Variants in CERS1 observed in about 807,000 individuals in gnomAD.
CERS1 encodes ceramide synthase 1, also known as Embryonic growth/differentiation factor 1.
Under a neutral mutation model 35.7 loss-of-function variants are expected in CERS1, and 16 were observed. That is an observed-to-expected ratio of 0.45 (90% CI 0.30 to 0.68). CERS1 has a LOEUF of 0.68. Ranked by LOEUF, CERS1 falls within the 30% of genes least tolerant of loss-of-function variation. The pLI is 0.08. For missense variants in CERS1, 454 were observed against 453.9 expected, an observed-to-expected ratio of 1.00 and a Z score of 0.00; for synonymous variants, 243 against 201.6, an observed-to-expected ratio of 1.21 and a Z score of -1.74.
intron 2 of CERS1, among the ~76,000 whole-genome samples, chr19:18,886,651 T>C (rs1390632466): frequency 3.3e-5 from 5 of 152,192 alleles, no homozygotes; most frequent in African/African-American, 1.2e-4. Context: ...TTGCTCCCTG[T>C]TCTCTGGCCA....
At chr19:18,876,671 C>T (rs952502363) in intron 6 of CERS1, among the ~76,000 whole-genome samples, 1 of 152,128 alleles carries the variant, frequency 6.6e-6, no homozygotes, top group African/African-American at 2.4e-5. Context: ...AGACGTGAGC[C>T]ACCACGCCTG....
intron 1 of CERS1, among the ~76,000 whole-genome samples, chr19:18,894,742 A>G (rs1400263759): frequency 6.6e-6 from 1 of 152,054 alleles, no homozygotes; most frequent in African/African-American, 2.4e-5. Context: ...TCTCTCCCTC[A>G]TGTGGGTGAT....
rs893144604 is a variant in CERS1, at chr19:18,878,829, C to T, written c.1010+101G>A. On this transcript the variant is annotated intron_variant, in intron 6 of 7. Transcript: ENST00000623882. The surrounding 1 kb of genome is among the most constrained non-coding windows in gnomAD (Gnocchi z 4.6). Reference sequence around the variant, plus strand: ...TAGGCTTGGGGGGCAGCATCCGCGTCGGCCTCATCTGCTGCTGGGTCTTGG... The same window carrying T: ...TAGGCTTGGGGGGCAGCATCCGCGTTGGCCTCATCTGCTGCTGGGTCTTGG... 53 of 1,520,402 alleles carry T rather than the reference C, an allele frequency of 3.5e-5. No individual in the cohort carries two copies. The highest frequency in any genetic ancestry group is 3.8e-4 in the Middle Eastern group (2 of 5,248). 94.2% of individuals were successfully genotyped at this position (1,520,402 alleles called of 1,614,324 possible). A position where few individuals can be genotyped will look rare whatever the true frequency, so the allele number is the denominator to read the frequency against.
At position 18,893,574 on chromosome 19, in the gene CERS1, G is replaced by T. The variant is rs753399642; in HGVS notation, c.251C>A (p.Pro84His). ...RSAATARLFR[P>H]LAKRCCLQPR... ...CTGGAGGCAGCACCGCTTCGCCAGG[G>T]GCTATGGGGGAGAAGACAGGCGGGC... The change falls in exon 2 of 8, where the codon CCC becomes CAC. Residue 84 changes from proline to histidine, a missense_variant and splice_region_variant. Physicochemically the swap from Pro to His is moderately conservative, Grantham distance 77. Transcript: ENST00000623882. 2 of 1,607,152 alleles carry T rather than the reference G, an allele frequency of 1.2e-6. No individual in the cohort carries two copies. The highest frequency in any genetic ancestry group is 1.7e-5 in the Admixed American group (1 of 59,140).
Position 18,870,267 on chromosome 19 carries a change from A to AG in CERS1, c.*309dup, listed in dbSNP as rs1428829571. ...GGGCAGCAGCAGGGCCAGGAGGAGG[A>AG]GGAGGTGGTGGCCGCAGGGACCTTG... On this transcript the variant is annotated 3_prime_UTR_variant, in exon 7 of 8. Transcript: ENST00000623882. The surrounding 1 kb of genome is among the most constrained non-coding windows in gnomAD (Gnocchi z 5.1). 20 of 1,548,828 alleles carry AG rather than the reference A, an allele frequency of 1.3e-5. No homozygotes were observed. Among genetic ancestry groups the AG allele is most frequent in the African/African-American group, 4.1e-5 (3 of 72,338 alleles).
chr19:18,878,027 G>A lies in CERS1; in HGVS notation c.1010+903C>T, dbSNP rs1010284824. 7.1e-6 allele frequency: 7 copies of A among 985,464 alleles called. No individual in the cohort carries two copies. Among genetic ancestry groups the A allele is most frequent in the Non-Finnish European group, 7.2e-6 (6 of 829,970 alleles). 61.0% of individuals were successfully genotyped at this position (985,464 alleles called of 1,614,324 possible). The stretch of plus-strand genomic sequence containing the variant: ...CGCTCCTCTGCCTGGCTACAGCCCC[G>A]GATGTGTTAAATGTCTGCATCTCGC... On this transcript the variant is annotated intron_variant, in intron 6 of 7. Coordinates refer to ENST00000623882, the MANE Select transcript of CERS1 (RefSeq NM_021267.5). The surrounding 1 kb of genome is among the most constrained non-coding windows in gnomAD (Gnocchi z 4.6).
intron 6 of CERS1, among the ~76,000 whole-genome samples, chr19:18,871,719 C>G (rs747380409): frequency 3.9e-5 from 6 of 152,230 alleles, no homozygotes; most frequent in Non-Finnish European, 8.8e-5. Flanking sequence ...TCACAGCCAA[C>G]TGGCTGTCCC....
chr19:18,878,668 C>A lies in CERS1; in HGVS notation c.1010+262G>T. On this transcript the variant is annotated intron_variant, in intron 6 of 7. Coordinates refer to ENST00000623882, the MANE Select transcript of CERS1 (RefSeq NM_021267.5). This position sits in a 1 kb window ranked among gnomAD's most constrained non-coding sequence, Gnocchi z 4.6. The stretch of plus-strand genomic sequence containing the variant: ...CACACCAGCCACTAGGCCTGGCCCT[C>A]AGTGTCCCTACCGCTGAGACCCTGC... 7.7e-7 allele frequency: 1 copy of A among 1,299,812 alleles called. No homozygotes were observed. The highest frequency in any genetic ancestry group is 9.8e-7 in the Non-Finnish European group (1 of 1,016,274). The allele number at this position is 1,299,812 out of a possible 1,614,324, so 80.5% of individuals were successfully genotyped here. A position where few individuals can be genotyped will look rare whatever the true frequency, so the allele number is the denominator to read the frequency against.
rs977679328 is a variant in CERS1 at position 18,879,188 on chromosome 19, G to T, written c.900+53C>A. Reference sequence around the variant, plus strand: ...CGGGACTGCCTGAGGAGGGGACAGGGATTGGGACGAGGACGGGACCGCCAC... The same window carrying T: ...CGGGACTGCCTGAGGAGGGGACAGGTATTGGGACGAGGACGGGACCGCCAC... On this transcript the variant is annotated intron_variant, in intron 5 of 7. Coordinates refer to ENST00000623882, the MANE Select transcript of CERS1 (RefSeq NM_021267.5). 2.5e-6 allele frequency: 4 copies of T among 1,609,654 alleles called. No homozygotes were observed. In the Admixed American group the frequency reaches 5.0e-5, roughly 20 times the overall value.
At chr19:18,873,432 C>G (rs566057841) in intron 6 of CERS1, among the ~76,000 whole-genome samples, 38 of 152,146 alleles carry the variant, frequency 2.5e-4, no homozygotes, top group Non-Finnish European at 5.3e-4. Context: ...CGCAGTGGCT[C>G]ACGCCTGTAA....
chr19:18,885,511 G>A (rs1451443302), intron 2 of CERS1, among the ~76,000 whole-genome samples: 1 of 22,122 alleles, frequency 4.5e-5, no homozygotes, highest in Non-Finnish European at 1.2e-4. Context: ...GCCCCTTCTC[G>A]TTTTTTTTTT....
At chr19:18,883,763 TG>T (rs1314831234) in intron 3 of CERS1, among the ~76,000 whole-genome samples, 1 of 151,740 alleles carries the variant, frequency 6.6e-6, no homozygotes, top group Admixed American at 6.6e-5. Context: ...CAGGAACTCC[TG>T]GGTGTGTGAC....
chr19:18,884,042 G>C (rs773933814), intron 3 of CERS1, 45 bp downstream of exon 3: 5 of 1,585,262 alleles, frequency 3.2e-6, no homozygotes, highest in Non-Finnish European at 4.3e-6. Context: ...TCCGCACTCT[G>C]TGTGGGCTGT....
At chr19:18,886,005 C>G (rs904654094) in intron 2 of CERS1, among the ~76,000 whole-genome samples, 2 of 152,238 alleles carry the variant, frequency 1.3e-5, no homozygotes, top group African/African-American at 4.8e-5. Context: ...TCCTGGTGCA[C>G]CTGACCACCA....
At position 18,879,296 on chromosome 19, in the gene CERS1, A is replaced by T. The variant is rs775383045; in HGVS notation, c.845T>A (p.Phe282Tyr). The T allele has an allele frequency of 1.4e-5, 22 of 1,613,082 alleles. No homozygotes were observed. The highest frequency in any genetic ancestry group is 4.4e-5 in the South Asian group (4 of 90,864). The part of the protein sequence containing the change: ...LRTVPDIPFY[F>Y]FFNALLLLLT... ...CAGCAGCAGGAGCGCATTGAAGAAG[A>T]AGTAGAAGGGGATGTCAGGCACCGT... is the stretch of plus-strand genomic sequence containing the variant. The change falls in exon 5 of 8, where the codon TTC (phenylalanine) becomes TAC (tyrosine). Residue 282 changes from phenylalanine to tyrosine, a missense_variant. Phe to Tyr is a conservative substitution (Grantham distance 22, BLOSUM62 3). Transcript: ENST00000623882.
upstream of CERS1, among the ~76,000 whole-genome samples, chr19:18,896,320 C>T (rs1601198228): frequency 6.0e-5 from 9 of 150,762 alleles, no homozygotes; most frequent in South Asian, 1.9e-3. This position sits in a 1 kb window ranked among gnomAD's most constrained non-coding sequence, Gnocchi z 5.9. Context: ...AACCCAGGCG[C>T]GGGGGCCGGA....
chr19:18,868,653 T>C lies in CERS1; in HGVS notation c.*1332A>G. The C allele has an allele frequency of 6.3e-7, 1 of 1,575,082 alleles. No homozygotes were observed. The highest frequency in any genetic ancestry group is 1.2e-5 in the South Asian group (1 of 85,976). Reference sequence around the variant, plus strand: ...TCCTCATACTGCCGCAGCACCACGTTGTCGCTGTTGTCAAAGAAGAGCACG... The same window carrying C: ...TCCTCATACTGCCGCAGCACCACGTCGTCGCTGTTGTCAAAGAAGAGCACG... On this transcript the variant is annotated 3_prime_UTR_variant, in exon 8 of 8. Transcript: ENST00000623882.
Position 18,879,394 on chromosome 19 carries a change from G to A in CERS1, c.753-6C>T. On this transcript the variant is annotated splice_region_variant and splice_polypyrimidine_tract_variant and intron_variant, in intron 4 of 7. Transcript: ENST00000623882. Reference sequence around the variant, plus strand: ...AGTAGAGGCGGAACCAGAACCTGCGGTGGGAGGAGTCAGGAGGCCGTGGGT... The same window carrying A: ...AGTAGAGGCGGAACCAGAACCTGCGATGGGAGGAGTCAGGAGGCCGTGGGT... 3 of 1,557,644 alleles carry A rather than the reference G, an allele frequency of 1.9e-6. No homozygotes were observed. The highest frequency in any genetic ancestry group is 2.6e-6 in the Non-Finnish European group (3 of 1,150,870).
rs999768928 is a variant in CERS1, at chr19:18,895,079, C to T, written c.249+745G>A. On this transcript the variant is annotated intron_variant, in intron 1 of 7. Transcript: ENST00000623882. The surrounding 1 kb of genome is among the most constrained non-coding windows in gnomAD (Gnocchi z 6.4). The stretch of plus-strand genomic sequence containing the variant: ...CGCAGAAACTGGGGAATTCTGCTGT[C>T]GCCTCTTGGAGGCAGCACAGTCCAA... Among the ~76,000 whole-genome samples the T allele has an allele frequency of 1.3e-5, 2 of 152,260 alleles. No homozygotes were observed. Among genetic ancestry groups the T allele is most frequent in the African/African-American group, 2.4e-5 (1 of 41,466 alleles).
Sources: allele counts gnomAD v4.1 joint callset (sites outside exome capture counted in the v4.1 genomes callset), GRCh38; gene constraint gnomAD v4.1.1; non-coding constraint Gnocchi (gnomAD v3.1); transcripts MANE v1.5; gene names NCBI Gene and HGNC (gene_info 2026-07-23, HGNC 2026-07-21).